Variants in KCTD8 observed in about 807,000 individuals in gnomAD.
The protein encoded by KCTD8 is potassium channel tetramerization domain containing 8.
A neutral mutation model predicts 31.5 loss-of-function variants in KCTD8; 27 were observed. The observed-to-expected ratio is 0.86, with a 90% CI of 0.63 to 1.18. The LOEUF is 1.18. Among genes scored for constraint, KCTD8 ranks in the 50% most tolerant of loss-of-function variants. The pLI, the probability that KCTD8 is intolerant of heterozygous loss-of-function variation, is 0.00. For synonymous variants in KCTD8, 290 were observed against 280.0 expected, an observed-to-expected ratio of 1.04 and a Z score of -0.36; for missense variants, 658 against 647.7, an observed-to-expected ratio of 1.02 and a Z score of -0.17.
At chr4:44,410,425 G>A (rs1186723674) in intron 1 of KCTD8, among the ~76,000 whole-genome samples, 1 of 152,082 alleles carries the variant, frequency 6.6e-6, no homozygotes, top group Non-Finnish European at 1.5e-5. Context: ...ACTTTGATAA[G>A]GTAACTACAG....
chr4:44,304,567 A>G (rs996348712), intron 1 of KCTD8, among the ~76,000 whole-genome samples: 6 of 152,146 alleles, frequency 3.9e-5, no homozygotes, highest in Admixed American at 3.3e-4. Flanking sequence ...ATATAATGCC[A>G]TTGATACGTT....
intron 1 of KCTD8, among the ~76,000 whole-genome samples, chr4:44,447,222 G>A (rs980166709): frequency 6.6e-6 from 1 of 152,234 alleles, no homozygotes; most frequent in African/African-American, 2.4e-5. Flanking sequence ...CCTGCCCTGT[G>A]CCCCAGTCTC....
intron 1 of KCTD8, among the ~76,000 whole-genome samples, chr4:44,237,429 T>G (rs112069942): frequency 6.6e-6 from 1 of 151,932 alleles, no homozygotes; most frequent in Non-Finnish European, 1.5e-5. Flanking sequence ...TATTTGGGAG[T>G]TGGGAATGGG....
chr4:44,436,000 C>A (rs2109480886), intron 1 of KCTD8, among the ~76,000 whole-genome samples: 1 of 152,172 alleles, frequency 6.6e-6, no homozygotes, highest in South Asian at 2.1e-4. Flanking sequence ...TAGAAAACCA[C>A]AGTTTTGTAT....
chr4:44,175,200 G>T lies in KCTD8; in HGVS notation c.1012C>A (p.His338Asn). The stretch of plus-strand genomic sequence containing the variant: ...CTTCCTTTATCAGTGACTTTGTCAT[G>T]TTTCCTATCTTCATGTTCTTGTTTA... ...SPKQEHEDRK[H>N]DKVTDKGSES... The change falls in exon 2 of 2, where the codon CAT (histidine) becomes AAT (asparagine). Residue 338 changes from histidine (H) to asparagine (N), a missense_variant. By Grantham distance (68) the His-to-Asn change is moderately conservative. Coordinates refer to ENST00000360029, the MANE Select transcript of KCTD8 (RefSeq NM_198353.3). The T allele has an allele frequency of 1.2e-6, 2 of 1,605,640 alleles. No individual in the cohort carries two copies. The highest frequency in any genetic ancestry group is 1.7e-6 in the Non-Finnish European group (2 of 1,176,368).
intron 1 of KCTD8, among the ~76,000 whole-genome samples, chr4:44,422,828 A>G (rs1721252577): frequency 6.6e-6 from 1 of 152,090 alleles, no homozygotes; most frequent in South Asian, 2.1e-4. Context: ...GGCCTAGGAT[A>G]GTATTTGACA....
Position 44,175,112 on chromosome 4 carries a change from C to G in KCTD8, c.1100G>C (p.Ser367Thr). 2 of 1,613,972 alleles carry G rather than the reference C, an allele frequency of 1.2e-6. No homozygotes were observed. The highest frequency in any genetic ancestry group is 1.7e-6 in the Non-Finnish European group (2 of 1,179,970). ...ACTGGATGGGTTGTCCTGGGGAGTG[C>G]TTGCCTCTGAATGGCTGTCACAACT... ...TSSCDSHSEA[S>T]TPQDNPSSAQ... The change falls in exon 2 of 2, where the codon AGC becomes ACC. Residue 367 changes from serine (S) to threonine (T), a missense_variant. Ser to Thr is a moderately conservative substitution (Grantham distance 58). Transcript: ENST00000360029.
chr4:44,346,285 G>A (rs1453572085), intron 1 of KCTD8, among the ~76,000 whole-genome samples: 2 of 152,080 alleles, frequency 1.3e-5, no homozygotes, highest in African/African-American at 4.8e-5. Flanking sequence ...GTAACCGGAT[G>A]CCCTTGGTCC....
At chr4:44,296,763 T>C (rs1717448231) in intron 1 of KCTD8, among the ~76,000 whole-genome samples, 1 of 152,064 alleles carries the variant, frequency 6.6e-6, no homozygotes, top group Non-Finnish European at 1.5e-5. Flanking sequence ...CTTTAGTTTC[T>C]GTGATTTTTT....
rs554999065 is a variant in KCTD8, at chr4:44,259,305, G to A, written c.962-84055C>T. On this transcript the variant is annotated intron_variant, in intron 1 of 1. Transcript: ENST00000360029. Reference sequence around the variant, plus strand: ...TACATGTTTCTTTCCTCCATCATGAGGAAATAATTTATCCTTCAAATATAA... The same window carrying A: ...TACATGTTTCTTTCCTCCATCATGAAGAAATAATTTATCCTTCAAATATAA... 1.1e-4 allele frequency among the ~76,000 whole-genome samples: 16 copies of A among 151,740 alleles called. No individual in the cohort carries two copies. The East Asian group carries it at 3.1e-3, about 30-fold the overall frequency.
intron 1 of KCTD8, among the ~76,000 whole-genome samples, chr4:44,247,092 C>T (rs780991844): frequency 9.9e-5 from 15 of 152,106 alleles, no homozygotes; most frequent in Middle Eastern, 3.4e-3. Flanking sequence ...GACATTACAC[C>T]TGCCAGCTGG....
At chr4:44,438,266 C>G (rs1338703247) in intron 1 of KCTD8, among the ~76,000 whole-genome samples, 1 of 152,108 alleles carries the variant, frequency 6.6e-6, no homozygotes, top group African/African-American at 2.4e-5. Flanking sequence ...ACATAGTTTT[C>G]TTAAAATTGT....
At chr4:44,354,316 C>G (rs1312408691) in intron 1 of KCTD8, among the ~76,000 whole-genome samples, 1 of 152,120 alleles carries the variant, frequency 6.6e-6, no homozygotes, top group Admixed American at 6.6e-5. Context: ...CACTACATTT[C>G]CAGCTAGTTT....
chr4:44,350,084 A>G lies in KCTD8; in HGVS notation c.961+97479T>C, dbSNP rs1192928065. Among the ~76,000 whole-genome samples the G allele has an allele frequency of 3.9e-5, 6 of 152,304 alleles. No individual in the cohort carries two copies. In the East Asian group the frequency reaches 9.7e-4, roughly 25 times the overall value. ...AGATTTTGCAAATGTTTACTGAGAT[A>G]ACATTAGGGCAAAAAATACTTAACA... On this transcript the variant is annotated intron_variant, in intron 1 of 1. Transcript: ENST00000360029.
chr4:44,255,439 A>C (rs1168798905), intron 1 of KCTD8, among the ~76,000 whole-genome samples: 8 of 151,896 alleles, frequency 5.3e-5, no homozygotes, highest in African/African-American at 1.9e-4. Flanking sequence ...AGCATTTAAA[A>C]AATTTTGTTA....
At chr4:44,285,646 C>T (rs887105836) in intron 1 of KCTD8, among the ~76,000 whole-genome samples, 7 of 151,986 alleles carry the variant, frequency 4.6e-5, no homozygotes, top group South Asian at 2.1e-4. Flanking sequence ...TGCTTATTGA[C>T]ATTGCACTTA....
At chr4:44,266,799 G>A (rs1716383649) in intron 1 of KCTD8, among the ~76,000 whole-genome samples, 1 of 152,048 alleles carries the variant, frequency 6.6e-6, no homozygotes, top group South Asian at 2.1e-4. Context: ...GACAAAGAAG[G>A]CCATTACATA....
At chr4:44,385,627 C>T (rs933143443) in intron 1 of KCTD8, among the ~76,000 whole-genome samples, 4 of 151,498 alleles carry the variant, frequency 2.6e-5, no homozygotes, top group African/African-American at 9.7e-5. Flanking sequence ...AGCTTCATGG[C>T]ACTGGATTTA....
chr4:44,264,355 G>A (rs1716271482), intron 1 of KCTD8, among the ~76,000 whole-genome samples: 1 of 152,144 alleles, frequency 6.6e-6, no homozygotes, highest in Non-Finnish European at 1.5e-5. Flanking sequence ...ACTTAATAGA[G>A]CAACTAGAGT....
Sources: allele counts gnomAD v4.1 joint callset (sites outside exome capture counted in the v4.1 genomes callset), GRCh38; gene constraint gnomAD v4.1.1; transcripts MANE v1.5; gene names NCBI Gene and HGNC (gene_info 2026-07-23, HGNC 2026-07-21).